Variants in TDRD12 observed in about 807,000 individuals in gnomAD.
TDRD12 encodes putative ATP-dependent RNA helicase TDRD12.
TDRD12 carries 158 observed loss-of-function variants against 133.5 expected under a neutral mutation model. The observed-to-expected ratio is 1.18, with a 90% confidence interval of 1.04 to 1.35. TDRD12 has a LOEUF of 1.35. Ranked by LOEUF, TDRD12 falls within the 40% of genes most tolerant of loss-of-function variation. The pLI is 0.00. For synonymous variants in TDRD12, 460 were observed against 477.9 expected (o/e 0.96, Z 0.49); for missense variants, 1,443 against 1,321.3 (o/e 1.09, Z -1.43).
intron 27 of TDRD12, 29 bp downstream of exon 27, chr19:32,818,186 C>G (rs1967251298): frequency 2.9e-6 from 2 of 693,074 alleles, no homozygotes; most frequent in Admixed American, 4.1e-5. Flanking sequence ...GAGCTTCCTC[C>G]CAGAATGCCA....
At chr19:32,766,936 A>G (rs551237186) in intron 8 of TDRD12, among the ~76,000 whole-genome samples, 6 of 150,500 alleles carry the variant, frequency 4.0e-5, no homozygotes, top group South Asian at 2.1e-4. Context: ...TTTGTTTTGT[A>G]TGTTTAGTGG....
At chr19:32,721,848 C>T (rs888225773) in intron 1 of TDRD12, among the ~76,000 whole-genome samples, 1 of 151,576 alleles carries the variant, frequency 6.6e-6, no homozygotes, top group African/African-American at 2.4e-5. Context: ...GCTGGGACTA[C>T]AGGCGGCCAC....
intron 22 of TDRD12, among the ~76,000 whole-genome samples, chr19:32,809,152 G>C (rs535444911): frequency 1.3e-5 from 2 of 152,240 alleles, no homozygotes; most frequent in South Asian, 2.1e-4. Context: ...CATAGTGTCT[G>C]AGATTTCTGA....
chr19:32,790,094 C>T (rs990623437), intron 11 of TDRD12, among the ~76,000 whole-genome samples: 1 of 152,098 alleles, frequency 6.6e-6, no homozygotes, highest in African/African-American at 2.4e-5. Context: ...CCATCTTTAT[C>T]CTGGAGTCCC....
At chr19:32,774,742 A>G (rs943999183) in intron 10 of TDRD12, among the ~76,000 whole-genome samples, 7 of 152,118 alleles carry the variant, frequency 4.6e-5, no homozygotes, top group African/African-American at 7.2e-5. Context: ...GCACTTTGGG[A>G]GGCCAAGGTG....
intron 26 of TDRD12, among the ~76,000 whole-genome samples, chr19:32,815,894 T>C (rs1967162971): frequency 6.6e-6 from 1 of 151,820 alleles, no homozygotes; most frequent in Admixed American, 6.6e-5. Context: ...CTCGGGAGGC[T>C]GAAGCAGGAG....
intron 7 of TDRD12, 57 bp downstream of exon 7, chr19:32,756,238 T>G: frequency 3.0e-6 from 4 of 1,339,952 alleles, no homozygotes; most frequent in Non-Finnish European, 3.9e-6. Context: ...ATAATCTTAG[T>G]GTATAGATAT....
exon 27 of TDRD12, chr19:32,818,102 G>A (rs1377507024): frequency 1.7e-5 from 12 of 702,768 alleles, no homozygotes; most frequent in Non-Finnish European, 2.9e-5. Flanking sequence ...GAGGGTGACA[G>A]GGACCAGTCC....
chr19:32,795,335 G>GAAAAAAAAAAAAAAAAAA (rs35855895), intron 14 of TDRD12, among the ~76,000 whole-genome samples: 1 of 114,270 alleles, frequency 8.8e-6, no homozygotes, highest in Non-Finnish European at 1.8e-5. Context: ...CTCCATCTCA[G>GAAAAAAAAAAAAAAAAAA]AAAAAAAAAA....
At chr19:32,739,934 G>T (rs186559213) in intron 3 of TDRD12, among the ~76,000 whole-genome samples, 79 of 141,616 alleles carry the variant, frequency 5.6e-4, no homozygotes, top group South Asian at 4.7e-3. Context: ...TGCATCTCCT[G>T]GGTGCTCTCT....
chr19:32,785,752 C>T (rs1970889690), intron 11 of TDRD12, among the ~76,000 whole-genome samples: 1 of 151,902 alleles, frequency 6.6e-6, no homozygotes, highest in Non-Finnish European at 1.5e-5. Context: ...ATTGCAACCC[C>T]TGCTTTTTTT....
chr19:32,812,834 G>C (rs1225966219), intron 24 of TDRD12, among the ~76,000 whole-genome samples: 2 of 152,202 alleles, frequency 1.3e-5, no homozygotes, highest in African/African-American at 4.8e-5. Context: ...ATGTGTGTGA[G>C]AGGTTGCTTA....
chr19:32,817,883 C>G (rs898618769), intron 26 of TDRD12, among the ~76,000 whole-genome samples: 1 of 145,016 alleles, frequency 6.9e-6, no homozygotes. Context: ...TCCCCAGTCT[C>G]TTGCTCTCTG....
chr19:32,784,947 T>C (rs1016289016), intron 11 of TDRD12, among the ~76,000 whole-genome samples: 5 of 152,216 alleles, frequency 3.3e-5, no homozygotes, highest in East Asian at 1.9e-4. Context: ...CCTAGATTCA[T>C]TGATTTTTTT....
chr19:32,798,084 AC>A (rs1257894091), intron 15 of TDRD12, among the ~76,000 whole-genome samples, 193 bp downstream of exon 15: 3 of 152,302 alleles, frequency 2.0e-5, no homozygotes, highest in African/African-American at 7.2e-5. Context: ...ATCTTGACTT[AC>A]GTCTGCTTCA....
intron 26 of TDRD12, 99 bp downstream of exon 26, chr19:32,815,719 GGT>G (rs1967155431): frequency 8.1e-6 from 10 of 1,227,970 alleles, no homozygotes; most frequent in Middle Eastern, 1.9e-4. Context: ...GAGTTGGCTG[GGT>G]GCGGTGGCTC....
At chr19:32,803,413 G>C (rs1971457164) in intron 21 of TDRD12, among the ~76,000 whole-genome samples, 1 of 152,178 alleles carries the variant, frequency 6.6e-6, no homozygotes, top group Non-Finnish European at 1.5e-5. Context: ...TCATGTCTGT[G>C]ACATTCGTCT....
chr19:32,764,239 C>T (rs1460491734), intron 8 of TDRD12, among the ~76,000 whole-genome samples: 1 of 150,652 alleles, frequency 6.6e-6, no homozygotes, highest in Non-Finnish European at 1.5e-5. Flanking sequence ...GCCTCCTGAG[C>T]AGCTGGGACT....
chr19:32,763,633 C>T (rs1032374388), intron 8 of TDRD12, among the ~76,000 whole-genome samples: 8 of 152,298 alleles, frequency 5.3e-5, no homozygotes, highest in South Asian at 4.1e-4. Flanking sequence ...TGTCGAAGCA[C>T]GAGATTTTCC....
Sources: allele counts gnomAD v4.1 joint callset (sites outside exome capture counted in the v4.1 genomes callset), GRCh38; gene constraint gnomAD v4.1.1; transcripts MANE v1.5; gene names NCBI Gene and HGNC (gene_info 2026-07-23, HGNC 2026-07-21).